TESK2: variants seen among roughly 807,000 people sequenced by gnomAD.
TESK2 encodes the protein dual specificity testis-specific protein kinase 2.
In TESK2, 39 loss-of-function variants were observed where a neutral mutation model predicts 57.1. The observed-to-expected ratio is 0.68, with a 90% CI of 0.53 to 0.89. TESK2 has a LOEUF of 0.89. Ranked by LOEUF, TESK2 falls within the 40% of genes least tolerant of loss-of-function variation. TESK2 has a pLI of 0.00. For synonymous variants in TESK2, 249 were observed against 267.9 expected (o/e 0.93, Z 0.69); for missense variants, 646 against 732.1 (o/e 0.88, Z 1.36).
chr1:45,436,945 G>A (rs1284581996), intron 2 of TESK2, among the ~76,000 whole-genome samples: 1 of 151,892 alleles, frequency 6.6e-6, no homozygotes, highest in Non-Finnish European at 1.5e-5. Flanking sequence ...CTACAGGCAT[G>A]TGCCATCATG....
chr1:45,423,392 C>T (rs948655224), intron 2 of TESK2, among the ~76,000 whole-genome samples: 6 of 151,880 alleles, frequency 4.0e-5, no homozygotes, highest in African/African-American at 9.7e-5. Context: ...CCCGTCTCTA[C>T]TAAAAACACA....
At chr1:45,451,998 A>G (rs1651889319) in intron 2 of TESK2, among the ~76,000 whole-genome samples, 1 of 147,364 alleles carries the variant, frequency 6.8e-6, no homozygotes, top group Admixed American at 6.8e-5. Flanking sequence ...ACACCACTGC[A>G]TTCCAGCCTG....
chr1:45,486,702 C>T (rs1351937289), intron 1 of TESK2, among the ~76,000 whole-genome samples: 1 of 146,994 alleles, frequency 6.8e-6, no homozygotes, highest in East Asian at 2.0e-4. Context: ...AAAAAACAAA[C>T]GCACACACAC....
chr1:45,421,614 G>C (rs1337400921), intron 3 of TESK2, 111 bp downstream of exon 3: 12 of 1,448,668 alleles, frequency 8.3e-6, no homozygotes. Flanking sequence ...CAGCAAGATA[G>C]ATTCAGCATG....
intron 3 of TESK2, among the ~76,000 whole-genome samples, chr1:45,416,869 C>T (rs1354232137): frequency 1.3e-5 from 2 of 152,026 alleles, no homozygotes; most frequent in Non-Finnish European, 2.9e-5. Flanking sequence ...TCACTGCAAC[C>T]TCCGCCTCTC....
chr1:45,490,638 G>A (rs1321231952), intron 1 of TESK2, among the ~76,000 whole-genome samples: 2 of 152,086 alleles, frequency 1.3e-5, no homozygotes, highest in African/African-American at 2.4e-5. Context: ...CAGACGTGGC[G>A]GGGAGCCTGA....
intron 2 of TESK2, among the ~76,000 whole-genome samples, chr1:45,450,725 G>A (rs1393457193): frequency 6.6e-6 from 1 of 151,822 alleles, no homozygotes; most frequent in Non-Finnish European, 1.5e-5. Flanking sequence ...TAAATGAAAA[G>A]ACTGATATGT....
chr1:45,448,637 G>A (rs1360134548), intron 2 of TESK2, among the ~76,000 whole-genome samples: 1 of 152,060 alleles, frequency 6.6e-6, no homozygotes, highest in East Asian at 1.9e-4. Flanking sequence ...AACAAACTGA[G>A]CAAGAACTCA....
chr1:45,431,820 T>G (rs1251342604), intron 2 of TESK2, among the ~76,000 whole-genome samples: 1 of 152,158 alleles, frequency 6.6e-6, no homozygotes, highest in African/African-American at 2.4e-5. Context: ...GTGCAGAGTC[T>G]CAGAGGAATA....
intron 2 of TESK2, among the ~76,000 whole-genome samples, chr1:45,457,085 A>G (rs1652138162): frequency 6.6e-6 from 1 of 152,174 alleles, no homozygotes; most frequent in African/African-American, 2.4e-5. Context: ...CCTCCTGAGT[A>G]GCTCGGGCTA....
At chr1:45,448,793 T>C (rs897847140) in intron 2 of TESK2, among the ~76,000 whole-genome samples, 6 of 152,174 alleles carry the variant, frequency 3.9e-5, no homozygotes, top group African/African-American at 1.2e-4. Context: ...CTATATCTTA[T>C]GCCATTAGAT....
chr1:45,348,623 C>G (rs922506100), intron 5 of TESK2, among the ~76,000 whole-genome samples: 4 of 152,242 alleles, frequency 2.6e-5, no homozygotes, highest in African/African-American at 9.6e-5. Context: ...CTTACCAAAC[C>G]TGAACAGGTC....
rs1340181482 is a variant in TESK2, at chr1:45,478,432, T to G, written c.-87+12420A>C. Among the ~76,000 whole-genome samples, 3 of 152,252 alleles carry G rather than the reference T, an allele frequency of 2.0e-5. No homozygotes were observed. In the East Asian group the frequency reaches 5.8e-4, roughly 29 times the overall value. ...GCTCTTTTAGTTCAAGCTAAGGGCT[T>G]GGACTCAAACTTACCTTCAAACTAT... On this transcript the variant is annotated intron_variant, in intron 1 of 10. Coordinates refer to ENST00000372086, the MANE Select transcript of TESK2 (RefSeq NM_007170.3).
chr1:45,489,138 A>G (rs910969492), intron 1 of TESK2, among the ~76,000 whole-genome samples: 3 of 151,512 alleles, frequency 2.0e-5, no homozygotes, highest in Non-Finnish European at 4.4e-5. Context: ...CACCAAAGAA[A>G]AAAAAAAAAA....
intron 1 of TESK2, among the ~76,000 whole-genome samples, chr1:45,469,886 A>G (rs997822386): frequency 6.6e-6 from 1 of 152,226 alleles, no homozygotes; most frequent in African/African-American, 2.4e-5. Context: ...ATACAACTTC[A>G]CAATAGTCCA....
At chr1:45,448,046 T>C (rs1001527729) in intron 2 of TESK2, among the ~76,000 whole-genome samples, 8 of 149,822 alleles carry the variant, frequency 5.3e-5, no homozygotes, top group Admixed American at 2.7e-4. Context: ...TTTTGTTTTT[T>C]TTTTTTGGTA....
chr1:45,449,496 G>A (rs1651788823), intron 2 of TESK2, among the ~76,000 whole-genome samples: 1 of 152,034 alleles, frequency 6.6e-6, no homozygotes, highest in Admixed American at 6.6e-5. Context: ...TGAGACAATG[G>A]GATATTATTC....
At chr1:45,394,518 G>A (rs1174415106) in intron 3 of TESK2, among the ~76,000 whole-genome samples, 2 of 151,444 alleles carry the variant, frequency 1.3e-5, no homozygotes, top group Non-Finnish European at 2.9e-5. Context: ...ATGCAGACTC[G>A]CACTCTGTAG....
At chr1:45,420,047 AC>A (rs1456188298) in intron 3 of TESK2, among the ~76,000 whole-genome samples, 3 of 152,246 alleles carry the variant, frequency 2.0e-5, no homozygotes, top group Admixed American at 1.3e-4. Context: ...GCAATAAATG[AC>A]CCTAAGTAAA....
Sources: gnomAD v4.1 joint callset for allele counts (sites outside exome capture counted in the v4.1 genomes callset) on GRCh38, gnomAD v4.1.1 for gene constraint, MANE v1.5 for transcripts, NCBI Gene and HGNC (gene_info 2026-07-23, HGNC 2026-07-21) for gene names.